Variants in WDR11 observed in about 807,000 individuals in gnomAD.
WDR11 encodes the protein WD repeat-containing protein 11.
A neutral mutation model predicts 151.2 loss-of-function variants in WDR11; 83 were observed. The ratio of observed to expected loss-of-function variants is 0.55; its 90% CI spans 0.46 to 0.66. The LOEUF (loss-of-function observed/expected upper bound fraction) is 0.66. WDR11 is among the 30% of genes least tolerant of loss of function. The pLI, the probability that WDR11 is intolerant of heterozygous loss-of-function variation, is 0.00. For synonymous variants in WDR11, 484 were observed against 533.1 expected (o/e 0.91, Z 1.27); for missense variants, 1,301 against 1,480.9 (o/e 0.88, Z 1.99).
Position 120,885,993 on chromosome 10 carries a change from G to A in WDR11, c.1973+55G>A. On this transcript the variant is annotated intron_variant, in intron 15 of 28. Transcript: ENST00000263461. Reference sequence around the variant, plus strand: ...TTTGTGCCATTAGCATCATGTCTGGGAAGTTGACAAGTATCATCGGAAGGT... The same window carrying A: ...TTTGTGCCATTAGCATCATGTCTGGAAAGTTGACAAGTATCATCGGAAGGT... The A allele has an allele frequency of 3.1e-6, 5 of 1,608,152 alleles. No homozygotes were observed. In the Admixed American group the frequency reaches 6.7e-5, roughly 22 times the overall value.
At chr10:120,866,458 A>G (rs867153224) in intron 7 of WDR11, 111 bp from the exon 8 acceptor site, 1 of 1,197,328 alleles carries the variant, frequency 8.4e-7, no homozygotes, top group Non-Finnish European at 1.2e-6. Context: ...TTGACATTGC[A>G]TTCATGAAGG....
chr10:120,906,567 A>G, intron 27 of WDR11: 1 of 1,417,278 alleles, frequency 7.1e-7, no homozygotes, highest in Non-Finnish European at 9.2e-7. Context: ...CAATTTTTTA[A>G]AGTATTAATT....
chr10:120,894,746 A>G (rs2133799949), intron 19 of WDR11, among the ~76,000 whole-genome samples: 1 of 152,332 alleles, frequency 6.6e-6, no homozygotes, highest in Admixed American at 6.5e-5. Context: ...TTTAGCCCAG[A>G]TGGAGCAGAA....
intron 20 of WDR11, 28 bp from the exon 21 acceptor site, chr10:120,901,004 TAATG>T (rs765337406): frequency 2.1e-6 from 3 of 1,444,732 alleles, no homozygotes; most frequent in Non-Finnish European, 2.9e-6. Context: ...AGTGAAGAGA[TAATG>T]AACTCATTCA....
intron 10 of WDR11, among the ~76,000 whole-genome samples, chr10:120,873,479 G>T (rs1425671488): frequency 6.6e-6 from 1 of 152,154 alleles, no homozygotes; most frequent in East Asian, 1.9e-4. Flanking sequence ...CTTATTTGAG[G>T]ACCAGCTATA....
In WDR11 at chr10:120,890,000, TA is replaced by T; in HGVS notation, c.2335del (p.Thr779LeufsTer7). On this transcript the variant is annotated frameshift_variant, in exon 18 of 29. Coordinates refer to ENST00000263461, the MANE Select transcript of WDR11 (RefSeq NM_018117.12). LOFTEE classifies it high-confidence loss of function. ...ACAATGATGGAGCTGAAGTGTGGGATACTAAAGAGGTAGGCCCTCTCCATGA... is the reference window on the plus strand; with the variant it reads ...ACAATGATGGAGCTGAAGTGTGGGATCTAAAGAGGTAGGCCCTCTCCATGA... ...MYNDGAEVWD[T>X]KEVQMVSSLR... 6.2e-7 allele frequency: 1 copy of T among 1,605,396 alleles called. No homozygotes were observed. The highest frequency in any genetic ancestry group is 8.5e-7 in the Non-Finnish European group (1 of 1,172,234).
chr10:120,855,196 A>G (rs935120170), intron 2 of WDR11, among the ~76,000 whole-genome samples: 1 of 152,216 alleles, frequency 6.6e-6, no homozygotes. Context: ...GGGTTACTTG[A>G]ACATAGCACT....
At chr10:120,864,108 A>G (rs187220919) in intron 5 of WDR11, among the ~76,000 whole-genome samples, 3 of 152,254 alleles carry the variant, frequency 2.0e-5, no homozygotes, top group African/African-American at 7.2e-5. Context: ...TTTCACATCT[A>G]TTAATTCCTG....
chr10:120,908,472 C>A, intron 28 of WDR11, 84 bp from the exon 29 acceptor site: 1 of 1,455,922 alleles, frequency 6.9e-7, no homozygotes, highest in Non-Finnish European at 9.6e-7. Context: ...AGAGCAGACG[C>A]GACTCACCCT....
chr10:120,859,542 C>G (rs7094005), intron 3 of WDR11, among the ~76,000 whole-genome samples: 9,519 of 152,170 alleles, frequency 0.063, 977 homozygotes, highest in African/African-American at 0.22. Flanking sequence ...GCTGGGATTA[C>G]AGGCGTGAAC....
intron 7 of WDR11, 94 bp from the exon 8 acceptor site, chr10:120,866,475 G>A (rs1846316225): frequency 1.4e-6 from 2 of 1,437,036 alleles, no homozygotes; most frequent in African/African-American, 2.8e-5. Context: ...AAGGAGTGAT[G>A]CCCAAATTTA....
chr10:120,852,627 G>C lies in WDR11; in HGVS notation c.190G>C (p.Val64Leu), dbSNP rs147491056. ...LQVLEKHKAD[V>L]VKVKWARENY... is the part of the protein sequence containing the mutation. The stretch of plus-strand genomic sequence containing the variant: ...AGTTTTAGAAAAGCATAAAGCTGAT[G>C]TTGTAAAGGTAAGTAAAATCCCACT... Residue 64 changes from valine to leucine, a missense_variant, in exon 2 of 29, where the codon GTT becomes CTT. This residue lies in a region of WDR11 where 692 missense variants were observed against 762.5 expected (regional missense o/e 0.91). Coordinates refer to ENST00000263461, the MANE Select transcript of WDR11 (RefSeq NM_018117.12). The C allele has an allele frequency of 2.5e-5, 40 of 1,613,690 alleles. No individual in the cohort carries two copies. The African/African-American group carries it at 5.2e-4, about 21-fold the overall frequency.
At chr10:120,893,690 T>C (rs1209902727) in intron 19 of WDR11, among the ~76,000 whole-genome samples, 1 of 151,940 alleles carries the variant, frequency 6.6e-6, no homozygotes, top group Non-Finnish European at 1.5e-5. Context: ...TTTCCTGACT[T>C]TTTAATGATT....
At chr10:120,853,752 T>C (rs924638084) in intron 2 of WDR11, among the ~76,000 whole-genome samples, 3 of 152,156 alleles carry the variant, frequency 2.0e-5, no homozygotes, top group Non-Finnish European at 2.9e-5. Context: ...GGAGAAGTCA[T>C]GTTTAAGAGC....
intron 11 of WDR11, among the ~76,000 whole-genome samples, chr10:120,878,140 T>C (rs1364367233): frequency 1.3e-5 from 2 of 152,206 alleles, no homozygotes; most frequent in Admixed American, 6.5e-5. Context: ...ATTACATTTG[T>C]AGATAAAGTT....
At chr10:120,881,329 A>T (rs1156768017) in intron 13 of WDR11, among the ~76,000 whole-genome samples, 1 of 152,200 alleles carries the variant, frequency 6.6e-6, no homozygotes, top group African/African-American at 2.4e-5. Context: ...ACAAAGAAAG[A>T]GTAAGCTTTC....
At chr10:120,860,036 C>A in intron 3 of WDR11, 73 bp from the exon 4 acceptor site, 1 of 1,565,196 alleles carries the variant, frequency 6.4e-7, no homozygotes, top group South Asian at 1.1e-5. Flanking sequence ...AACTAAATAT[C>A]AAGGACAAGT....
In WDR11 at chr10:120,889,059, T is replaced by C; in HGVS notation, c.2122-19T>C. On this transcript the variant is annotated intron_variant, in intron 16 of 28. Coordinates refer to ENST00000263461, the MANE Select transcript of WDR11 (RefSeq NM_018117.12). ...CAGCATAGTGAAATTTATATTTGTT[T>C]GTTGCTGTTGTTTTCTAGGGAAGTA... 1.3e-6 allele frequency: 2 copies of C among 1,524,274 alleles called. No homozygotes were observed. The highest frequency in any genetic ancestry group is 1.8e-6 in the Non-Finnish European group (2 of 1,098,266). 94.4% of individuals were successfully genotyped at this position (1,524,274 alleles called of 1,614,324 possible).
intron 13 of WDR11, among the ~76,000 whole-genome samples, chr10:120,881,254 A>G (rs1342690064): frequency 6.6e-6 from 1 of 152,078 alleles, no homozygotes; most frequent in Non-Finnish European, 1.5e-5. Context: ...TTTTTGTTTC[A>G]GGGGAAAATA....
Sources: allele counts gnomAD v4.1 joint callset (sites outside exome capture counted in the v4.1 genomes callset), GRCh38; gene constraint gnomAD v4.1.1; regional missense constraint gnomAD v4.1.1; transcripts MANE v1.5; gene names NCBI Gene and HGNC (gene_info 2026-07-23, HGNC 2026-07-21).